Variants in CDH4 observed in about 807,000 individuals in gnomAD.
The protein encoded by CDH4 is cadherin 4.
CDH4 carries 33 observed loss-of-function variants against 86.0 expected under a neutral mutation model. The ratio of observed to expected loss-of-function variants is 0.38; its 90% CI spans 0.29 to 0.51. The LOEUF (loss-of-function observed/expected upper bound fraction) is 0.51, where lower values mean the gene tolerates loss of function less well. Ranked by LOEUF, CDH4 falls within the 20% of genes least tolerant of loss-of-function variation. CDH4 has a pLI of 0.86. For synonymous variants in CDH4, 555 were observed against 549.4 expected, an observed-to-expected ratio of 1.01 and a Z score of -0.14; for missense variants, 1,114 against 1,307.4, an observed-to-expected ratio of 0.85 and a Z score of 2.28.
Position 61,726,658 on chromosome 20 carries a change from A to C in CDH4, c.170-16905A>C, listed in dbSNP as rs540391204. ...CATCAGTCCCATCACCACCATCATG[A>C]CCATCACTGCCATCATCACCATCAG... On this transcript the variant is annotated intron_variant, in intron 2 of 15. Transcript: ENST00000614565. 4.6e-5 allele frequency among the ~76,000 whole-genome samples: 7 copies of C among 151,670 alleles called. No individual in the cohort carries two copies. In the East Asian group the frequency reaches 1.4e-3, roughly 30 times the overall value.
intron 2 of CDH4, among the ~76,000 whole-genome samples, chr20:61,444,186 CTCTATGTGG>C: frequency 9.5e-6 from 1 of 104,752 alleles, no homozygotes; most frequent in East Asian, 2.9e-4. Context: ...TTGTGGATCT[CTCTATGTGG>C]GTGTCTGTGT....
intron 2 of CDH4, among the ~76,000 whole-genome samples, chr20:61,408,846 A>G (rs1232824631): frequency 6.6e-6 from 1 of 152,212 alleles, no homozygotes; most frequent in African/African-American, 2.4e-5. Context: ...TGCGATCCTC[A>G]GTACCCCAGG....
chr20:61,910,891 T>C (rs962319761), intron 9 of CDH4, among the ~76,000 whole-genome samples: 3 of 152,258 alleles, frequency 2.0e-5, no homozygotes, highest in Non-Finnish European at 4.4e-5. Flanking sequence ...GCGAATTTCA[T>C]TATTAGAATT....
At chr20:61,690,106 T>G (rs1284005187) in intron 2 of CDH4, among the ~76,000 whole-genome samples, 1 of 138,130 alleles carries the variant, frequency 7.2e-6, no homozygotes, top group African/African-American at 2.9e-5. Context: ...GACAGTGGTT[T>G]CTGAGGTGAT....
chr20:61,881,915 T>G (rs1277588892), intron 7 of CDH4, among the ~76,000 whole-genome samples: 1 of 152,202 alleles, frequency 6.6e-6, no homozygotes, highest in Non-Finnish European at 1.5e-5. Context: ...GGGTGGACCC[T>G]AAATCCTTAC....
intron 2 of CDH4, among the ~76,000 whole-genome samples, chr20:61,649,264 C>T (rs546252066): frequency 1.1e-4 from 17 of 152,214 alleles, no homozygotes; most frequent in Non-Finnish European, 8.8e-5. Flanking sequence ...TTTTGCATCA[C>T]AGACCCATCC....
intron 2 of CDH4, among the ~76,000 whole-genome samples, chr20:61,317,236 G>A (rs1375285086): frequency 6.6e-6 from 1 of 152,106 alleles, no homozygotes; most frequent in Non-Finnish European, 1.5e-5. Flanking sequence ...AAATTAGCCA[G>A]CTGTGGTGGC....
intron 2 of CDH4, among the ~76,000 whole-genome samples, chr20:61,470,234 T>A (rs1040887012): frequency 6.6e-6 from 1 of 152,070 alleles, no homozygotes; most frequent in Non-Finnish European, 1.5e-5. Flanking sequence ...TTTTCATCAA[T>A]GGCTTATAGT....
At chr20:61,350,045 C>T (rs1419571203) in intron 2 of CDH4, among the ~76,000 whole-genome samples, 1 of 152,214 alleles carries the variant, frequency 6.6e-6, no homozygotes, top group Admixed American at 6.5e-5. Flanking sequence ...AGCCGCCCTC[C>T]AGTGCCACAA....
intron 2 of CDH4, among the ~76,000 whole-genome samples, chr20:61,331,638 CCCACCTCCCGCCCCA>C (rs1568801146): frequency 0.039 from 887 of 23,026 alleles, 3 homozygotes; most frequent in African/African-American, 0.047. Context: ...CTGCCCCAGA[CCCACCTCCCGCCCCA>C]GCCACCTGCC....
intron 2 of CDH4, among the ~76,000 whole-genome samples, chr20:61,375,883 G>GTGGTGATGATGTAGTTTGT (rs1568819161): frequency 1.4e-4 from 8 of 59,026 alleles, no homozygotes; most frequent in South Asian, 1.1e-3. Context: ...GCTGGTGGTG[G>GTGGTGATGATGTAGTTTGT]TGATGGTGTG....
At chr20:61,736,582 C>A (rs948196232) in intron 2 of CDH4, among the ~76,000 whole-genome samples, 5 of 149,108 alleles carry the variant, frequency 3.4e-5, no homozygotes, top group African/African-American at 1.2e-4. Context: ...ATATGTCATG[C>A]GAATGGATGA....
At chr20:61,431,501 G>A (rs1385561011) in intron 2 of CDH4, among the ~76,000 whole-genome samples, 4 of 151,422 alleles carry the variant, frequency 2.6e-5, no homozygotes, top group East Asian at 2.0e-4. Flanking sequence ...CTGGTACTAC[G>A]AGTGCATGCC....
rs78440887 is a variant in CDH4 at position 61,263,995 on chromosome 20, C to G, written c.169+9058C>G. On this transcript the variant is annotated intron_variant, in intron 2 of 15. Transcript: ENST00000614565. ...AATCCCTGTGATTACCTTGGGCCTCCCTGAGTAACCCAGGATAATCTCCCG... is the reference window on the plus strand; with the variant it reads ...AATCCCTGTGATTACCTTGGGCCTCGCTGAGTAACCCAGGATAATCTCCCG... Among the ~76,000 whole-genome samples the G allele has an allele frequency of 2.4e-3, 365 of 152,224 alleles. 4 individuals are homozygous for G. Among genetic ancestry groups the G allele is most frequent in the Middle Eastern group, 0.014 (4 of 294 alleles).
chr20:61,761,484 G>A (rs189484946), intron 3 of CDH4, among the ~76,000 whole-genome samples: 10 of 152,312 alleles, frequency 6.6e-5, no homozygotes, highest in Admixed American at 5.2e-4. Context: ...ACTCTAAGAC[G>A]TGGTGTGTGT....
At chr20:61,397,681 A>G (rs1343455820) in intron 2 of CDH4, among the ~76,000 whole-genome samples, 2 of 151,980 alleles carry the variant, frequency 1.3e-5, no homozygotes, top group East Asian at 1.9e-4. Flanking sequence ...AAACTGCACT[A>G]TAGTTTTTGT....
At position 61,256,765 on chromosome 20, in the gene CDH4, A is replaced by C. The variant is rs556453817; in HGVS notation, c.169+1828A>C. On this transcript the variant is annotated intron_variant, in intron 2 of 15. Transcript: ENST00000614565. ...CAGAGAATCTCCCAAGCACCTGAGC[A>C]TGCTGGGTCCTCTCTGACCCTCCTC... Among the ~76,000 whole-genome samples, 14 of 152,346 alleles carry C rather than the reference A, an allele frequency of 9.2e-5. No homozygotes were observed. In the East Asian group the frequency reaches 2.7e-3, roughly 29 times the overall value.
At chr20:61,520,052 A>C (rs145369966) in intron 2 of CDH4, among the ~76,000 whole-genome samples, 1 of 152,170 alleles carries the variant, frequency 6.6e-6, no homozygotes, top group Non-Finnish European at 1.5e-5. Context: ...GCTATTGACT[A>C]TCCATTGATC....
intron 2 of CDH4, among the ~76,000 whole-genome samples, chr20:61,291,089 T>C (rs977985879): frequency 1.3e-5 from 2 of 152,164 alleles, no homozygotes; most frequent in African/African-American, 2.4e-5. Flanking sequence ...TCTTTTTGGC[T>C]TTCCTGCCTG....
Sources: gnomAD v4.1 joint callset for allele counts (sites outside exome capture counted in the v4.1 genomes callset) on GRCh38, gnomAD v4.1.1 for gene constraint, MANE v1.5 for transcripts, NCBI Gene and HGNC (gene_info 2026-07-23, HGNC 2026-07-21) for gene names.